NFATC1: variants seen among roughly 807,000 people sequenced by gnomAD.
NFATC1 encodes nuclear factor of activated T cells 1, also known as nuclear factor of activated T-cells, cytoplasmic 1.
A neutral mutation model predicts 76.0 loss-of-function variants in NFATC1; 22 were observed. The ratio of observed to expected loss-of-function variants is 0.29; its 90% CI spans 0.21 to 0.41. The LOEUF is 0.41. Ranked by LOEUF, NFATC1 falls within the 10% of genes least tolerant of loss-of-function variation. The pLI, the probability that NFATC1 is intolerant of heterozygous loss-of-function variation, is 1.00. For synonymous variants in NFATC1, 704 were observed against 613.1 expected (o/e 1.15, Z -2.19); for missense variants, 1,357 against 1,337.7 (o/e 1.01, Z -0.23).
rs2089415164 is a variant in NFATC1, at chr18:79,483,906, C to G, written c.2093-2342C>G. On this transcript the variant is annotated intron_variant, in intron 8 of 9. Transcript: ENST00000427363. ...TTCCTGGGGTGTCACTCCAGCGTGA[C>G]CTGGTTCCTGGGGTGTCACTCCAGC... Among the ~76,000 whole-genome samples, 3 of 144,840 alleles carry G rather than the reference C, an allele frequency of 2.1e-5. 1 individual carries two copies. In the South Asian group the frequency reaches 6.7e-4, roughly 33 times the overall value.
chr18:79,426,571 C>T (rs1314221913), intron 2 of NFATC1, among the ~76,000 whole-genome samples: 1 of 123,636 alleles, frequency 8.1e-6, no homozygotes, highest in African/African-American at 3.6e-5. Context: ...GTTCTGGGCC[C>T]CCTGGTGTCC....
chr18:79,481,117 A>G (rs2089256609), intron 8 of NFATC1, among the ~76,000 whole-genome samples: 1 of 152,212 alleles, frequency 6.6e-6, no homozygotes, highest in South Asian at 2.1e-4. Context: ...GCCTGAGTTC[A>G]CAGAGAGCAC....
Position 79,448,820 on chromosome 18 carries a change from G to A in NFATC1, c.1425G>A (p.Gln475=), listed in dbSNP as rs1308087949. Residue 475 remains glutamine, a synonymous_variant, in exon 4 of 10, where the codon CAG becomes CAA. Transcript: ENST00000427363. ...GYLENEPLML[Q]LFIGTADDRL... Reference sequence around the variant, plus strand: ...TGGAGAATGAGCCGCTGATGCTGCAGCTTTTCATTGGGACGGCGGACGACC... The same window carrying A: ...TGGAGAATGAGCCGCTGATGCTGCAACTTTTCATTGGGACGGCGGACGACC... 6.2e-7 allele frequency: 1 copy of A among 1,613,964 alleles called. No homozygotes were observed. The highest frequency in any genetic ancestry group is 2.2e-5 in the East Asian group (1 of 44,880).
chr18:79,414,549 A>G (rs1037489397), intron 2 of NFATC1, among the ~76,000 whole-genome samples: 8 of 152,222 alleles, frequency 5.3e-5, no homozygotes, highest in Non-Finnish European at 2.9e-5. Context: ...TCTTGCTGCA[A>G]TTGAAGCCAT....
chr18:79,499,427 C>G (rs1471797023), intron 9 of NFATC1, among the ~76,000 whole-genome samples: 1 of 152,032 alleles, frequency 6.6e-6, no homozygotes, highest in African/African-American at 2.4e-5. Flanking sequence ...ACAAAATAAG[C>G]CAGTAATGAA....
chr18:79,408,844 C>T (rs1433960372), intron 1 of NFATC1, among the ~76,000 whole-genome samples: 8 of 149,450 alleles, frequency 5.4e-5, no homozygotes, highest in African/African-American at 1.5e-4. Flanking sequence ...ATCCATCATC[C>T]ATCCATCCAT....
chr18:79,405,967 G>A (rs962876351), intron 1 of NFATC1, among the ~76,000 whole-genome samples: 9 of 150,656 alleles, frequency 6.0e-5, no homozygotes, highest in African/African-American at 1.2e-4. Flanking sequence ...CAAGGGCTAC[G>A]GCCCCTGAGG....
At chr18:79,400,806 G>C (rs866503884) in intron 1 of NFATC1, among the ~76,000 whole-genome samples, 523 of 10,014 alleles carry the variant, frequency 0.052, 14 homozygotes, top group African/African-American at 0.19. Context: ...CCCGCGTCCC[G>C]CCCTCCCGAC....
Position 79,410,287 on chromosome 18 carries a change from C to G in NFATC1, c.128-116C>G. The G allele has an allele frequency of 6.7e-7, 1 of 1,494,464 alleles. No individual in the cohort carries two copies. Among genetic ancestry groups the G allele is most frequent in the Middle Eastern group, 1.8e-4 (1 of 5,534 alleles). 92.6% of individuals were successfully genotyped at this position (1,494,464 alleles called of 1,614,324 possible). A position where few individuals can be genotyped will look rare whatever the true frequency, so the allele number is the denominator to read the frequency against. On this transcript the variant is annotated intron_variant, in intron 1 of 9. Coordinates refer to ENST00000427363, the MANE Select transcript of NFATC1 (RefSeq NM_001278669.2). The surrounding 1 kb of genome is among the most constrained non-coding windows in gnomAD (Gnocchi z 6.7). ...GGTCTCAGGGACGTTTGCTGAGGCCCGCTCCTTGGGGTCCGTTGGTCGAGG... is the reference window on the plus strand; with the variant it reads ...GGTCTCAGGGACGTTTGCTGAGGCCGGCTCCTTGGGGTCCGTTGGTCGAGG...
intron 9 of NFATC1, among the ~76,000 whole-genome samples, chr18:79,488,215 C>A (rs1041666346): frequency 2.0e-5 from 3 of 151,114 alleles, no homozygotes; most frequent in African/African-American, 7.4e-5. Context: ...ATATTTTAGC[C>A]CCCAAAATAT....
intron 9 of NFATC1, among the ~76,000 whole-genome samples, chr18:79,502,975 T>C (rs2090045412): frequency 6.6e-6 from 1 of 152,230 alleles, no homozygotes; most frequent in Non-Finnish European, 1.5e-5. Context: ...CCTAGGTATG[T>C]ATTCAAGGAA....
intron 7 of NFATC1, among the ~76,000 whole-genome samples, chr18:79,462,906 G>A (rs993109600): frequency 2.0e-5 from 3 of 152,300 alleles, no homozygotes; most frequent in East Asian, 1.9e-4. Context: ...AGCCCATCTC[G>A]GGCGGCTGGA....
chr18:79,523,499 C>T (rs563333772), intron 9 of NFATC1, among the ~76,000 whole-genome samples: 35 of 152,410 alleles, frequency 2.3e-4, no homozygotes, highest in Middle Eastern at 3.4e-3. Context: ...GTCTCGCCTA[C>T]GGCTTGTTTA....
intron 1 of NFATC1, among the ~76,000 whole-genome samples, chr18:79,409,722 T>C (rs1161356171): frequency 2.0e-5 from 3 of 152,200 alleles, no homozygotes; most frequent in Non-Finnish European, 4.4e-5. Flanking sequence ...CAACCATCCA[T>C]CCATTAAACA....
At chr18:79,400,193 T>C in intron 1 of NFATC1, 2 of 1,162,466 alleles carry the variant, frequency 1.7e-6, no homozygotes, top group Non-Finnish European at 2.1e-6. Context: ...TCCGGGGAGT[T>C]TATTTAAAAC....
At chr18:79,420,497 A>G (rs545232488) in intron 2 of NFATC1, among the ~76,000 whole-genome samples, 25 of 144,440 alleles carry the variant, frequency 1.7e-4, no homozygotes, top group African/African-American at 6.5e-4. Flanking sequence ...CGCTGCAGAG[A>G]GGAAGAGGCA....
intron 2 of NFATC1, among the ~76,000 whole-genome samples, chr18:79,430,312 C>T (rs770611446): frequency 1.9e-4 from 29 of 152,188 alleles, no homozygotes; most frequent in African/African-American, 5.1e-4. Context: ...TCCTCTCTCT[C>T]GCTGTCTCTT....
chr18:79,449,009 T>C (rs1224034237), intron 4 of NFATC1, 25 bp downstream of exon 4: 6 of 1,609,454 alleles, frequency 3.7e-6, no homozygotes, highest in Non-Finnish European at 4.2e-6. Flanking sequence ...ACCTCCGGCC[T>C]CTGGCAGGGG....
At chr18:79,452,408 A>C (rs2087514754) in intron 6 of NFATC1, among the ~76,000 whole-genome samples, 2 of 152,200 alleles carry the variant, frequency 1.3e-5, no homozygotes, top group South Asian at 4.1e-4. Context: ...TGAACTTGGA[A>C]GGGCAGCAGG....
Sources: gnomAD v4.1 joint callset for allele counts (sites outside exome capture counted in the v4.1 genomes callset) on GRCh38, gnomAD v4.1.1 for gene constraint, Gnocchi (gnomAD v3.1) non-coding constraint, MANE v1.5 for transcripts, NCBI Gene and HGNC (gene_info 2026-07-23, HGNC 2026-07-21) for gene names.